FRK: variants seen among roughly 807,000 people sequenced by gnomAD.
FRK encodes the protein tyrosine-protein kinase FRK.
FRK carries 51 observed loss-of-function variants against 56.4 expected under a neutral mutation model. The ratio of observed to expected loss-of-function variants is 0.90; its 90% CI spans 0.72 to 1.14. The LOEUF (loss-of-function observed/expected upper bound fraction) is 1.14, where lower values mean the gene tolerates loss of function less well. Among genes scored for constraint, FRK ranks in the 50% most tolerant of loss-of-function variants. The pLI, the probability that FRK is intolerant of heterozygous loss-of-function variation, is 0.00. For missense variants in FRK, 570 were observed against 601.4 expected (o/e 0.95, Z 0.55); for synonymous variants, 245 against 217.9 (o/e 1.12, Z -1.10).
intron 2 of FRK, among the ~76,000 whole-genome samples, chr6:115,976,743 T>TC (rs1774005869): frequency 2.0e-5 from 3 of 152,146 alleles, no homozygotes; most frequent in African/African-American, 7.2e-5. Context: ...AGTTTCCTTA[T>TC]CTAGAAAATG....
At chr6:116,082,739 T>C in the FRK span, among the ~76,000 whole-genome samples, 6 of 152,164 alleles carry the variant, frequency 3.9e-5, no homozygotes, top group African/African-American at 1.4e-4. Flanking sequence ...ACAGTAGAGC[T>C]TAAGAGGTCT....
At chr6:116,033,953 G>A (rs1022127364) in intron 1 of FRK, among the ~76,000 whole-genome samples, 15 of 152,084 alleles carry the variant, frequency 9.9e-5, no homozygotes, top group African/African-American at 3.4e-4. Flanking sequence ...ACTGCTGAAG[G>A]AAGAGGCAAA....
At chr6:115,975,694 C>CA (rs968144134) in intron 2 of FRK, among the ~76,000 whole-genome samples, 4 of 151,896 alleles carry the variant, frequency 2.6e-5, no homozygotes, top group African/African-American at 9.7e-5. Context: ...AGTTCAGCTG[C>CA]AAAAAATATA....
chr6:116,092,056 C>T, the FRK span, among the ~76,000 whole-genome samples: 7 of 152,164 alleles, frequency 4.6e-5, no homozygotes, highest in Non-Finnish European at 1.0e-4. Context: ...TTCTAAAAAC[C>T]ACTCCCTGTC....
intron 4 of FRK, among the ~76,000 whole-genome samples, chr6:115,960,359 C>G (rs1438317354): frequency 6.6e-6 from 1 of 151,618 alleles, no homozygotes; most frequent in East Asian, 2.0e-4. Flanking sequence ...CGGCGCACCA[C>G]TAGACTATAT....
At chr6:115,988,719 G>A (rs1774479048) in intron 2 of FRK, among the ~76,000 whole-genome samples, 2 of 152,020 alleles carry the variant, frequency 1.3e-5, no homozygotes, top group South Asian at 2.1e-4. Flanking sequence ...TTGTATACGC[G>A]ATACACTACT....
rs1772208347 is a variant in FRK at position 115,942,078 on chromosome 6, G to A, written c.*336C>T. 4.2e-6 allele frequency: 1 copy of A among 240,780 alleles called. No homozygotes were observed. The highest frequency in any genetic ancestry group is 8.3e-6 in the Non-Finnish European group (1 of 120,680). 14.9% of individuals were successfully genotyped at this position (240,780 alleles called of 1,614,324 possible). A position where few individuals can be genotyped will look rare whatever the true frequency, so the allele number is the denominator to read the frequency against. On this transcript the variant is annotated 3_prime_UTR_variant, in exon 8 of 8. Transcript: ENST00000606080. ...ACAGGAAAATGCTACAACAGTCACT[G>A]AGTAAAAATTGGACTATCATCTGTT...
chr6:115,989,697 ATGTT>A (rs1161327803), intron 2 of FRK, among the ~76,000 whole-genome samples: 6 of 151,956 alleles, frequency 3.9e-5, no homozygotes, highest in South Asian at 2.1e-4. Context: ...ATTGACACTT[ATGTT>A]GATACCACAT....
chr6:115,944,960 T>C (rs1284243094), intron 5 of FRK, among the ~76,000 whole-genome samples: 1 of 152,110 alleles, frequency 6.6e-6, no homozygotes, highest in African/African-American at 2.4e-5. Flanking sequence ...AGTGAGAACA[T>C]GTGGTATTTG....
chr6:116,052,914 A>G (rs1197334219), intron 1 of FRK, among the ~76,000 whole-genome samples: 1 of 152,166 alleles, frequency 6.6e-6, no homozygotes, highest in Admixed American at 6.5e-5. Context: ...GAAACATAAT[A>G]TTTATTAAAC....
At chr6:115,942,698 AT>A in intron 7 of FRK, 73 bp from the exon 8 acceptor site, 1 of 1,259,948 alleles carries the variant, frequency 7.9e-7, no homozygotes, top group Non-Finnish European at 1.1e-6. Flanking sequence ...ACTTATAGCC[AT>A]TTATACTCTA....
At chr6:116,023,501 C>T (rs1248658766) in intron 1 of FRK, among the ~76,000 whole-genome samples, 1 of 152,104 alleles carries the variant, frequency 6.6e-6, no homozygotes, top group South Asian at 2.1e-4. Flanking sequence ...AGCCTCAAAA[C>T]CATTATGTCA....
chr6:116,085,236 G>A, the FRK span, among the ~76,000 whole-genome samples: 1 of 152,154 alleles, frequency 6.6e-6, no homozygotes. Flanking sequence ...GGGGAGTTGA[G>A]GGATGACTAG....
In FRK at chr6:116,015,757, T is replaced by A. The variant is rs79725753; in HGVS notation, c.345-11759A>T. On this transcript the variant is annotated intron_variant, in intron 1 of 7. Coordinates refer to ENST00000606080, the MANE Select transcript of FRK (RefSeq NM_002031.3). Reference sequence around the variant, plus strand: ...TGCTATGCTTTGGCAAAGAGACTGGTGGCATTTTGTCCCTGCCCTAGTGAT... The same window carrying A: ...TGCTATGCTTTGGCAAAGAGACTGGAGGCATTTTGTCCCTGCCCTAGTGAT... Among the ~76,000 whole-genome samples, 438 of 152,280 alleles carry A rather than the reference T, an allele frequency of 2.9e-3. 4 individuals carry two copies. The highest frequency in any genetic ancestry group is 0.01 in the African/African-American group (424 of 41,570).
intron 4 of FRK, among the ~76,000 whole-genome samples, chr6:115,963,053 G>A: frequency 1.7e-5 from 1 of 58,486 alleles, no homozygotes; most frequent in Non-Finnish European, 3.5e-5. Flanking sequence ...AATCAGAGCA[G>A]AACTGAAGGA....
chr6:115,967,771 ATATTATTTTGTTG>A, intron 3 of FRK, 52 bp from the exon 4 acceptor site: 7 of 1,343,966 alleles, frequency 5.2e-6, no homozygotes, highest in Non-Finnish European at 7.0e-6. Flanking sequence ...AGTAGATTTA[ATATTATTTTGTTG>A]AAAATAATAG....
the FRK span, among the ~76,000 whole-genome samples, chr6:116,075,441 C>T: frequency 7.5e-6 from 1 of 133,224 alleles, no homozygotes; most frequent in Admixed American, 8.0e-5. Context: ...TGTGATTATG[C>T]AAATGTAAGC....
At chr6:116,056,346 G>T (rs538508074) in intron 1 of FRK, among the ~76,000 whole-genome samples, 2 of 151,704 alleles carry the variant, frequency 1.3e-5, no homozygotes, top group African/African-American at 4.8e-5. Flanking sequence ...TCACTCTCTC[G>T]AGTAGCTGGG....
At chr6:115,957,175 C>T (rs1773034921) in intron 4 of FRK, among the ~76,000 whole-genome samples, 1 of 152,156 alleles carries the variant, frequency 6.6e-6, no homozygotes, top group South Asian at 2.1e-4. Flanking sequence ...TTTATATGTT[C>T]AACTCGAAAC....
Sources: allele counts gnomAD v4.1 joint callset (sites outside exome capture counted in the v4.1 genomes callset), GRCh38; gene constraint gnomAD v4.1.1; transcripts MANE v1.5; gene names NCBI Gene and HGNC (gene_info 2026-07-23, HGNC 2026-07-21).